The following RAB38 variants were observed in gnomAD, a reference collection of about 807,000 sequenced individuals.
The protein encoded by RAB38 is RAB38, member RAS oncogene family.
Under a neutral mutation model 18.4 loss-of-function variants are expected in RAB38, and 15 were observed. The ratio of observed to expected loss-of-function variants is 0.82; its 90% CI spans 0.55 to 1.26. The LOEUF (loss-of-function observed/expected upper bound fraction) is 1.26, where lower values mean the gene tolerates loss of function less well. RAB38 is among the 50% of genes most tolerant of loss of function. The pLI is 0.00. For missense variants in RAB38, 294 were observed against 267.4 expected (o/e 1.10, Z -0.69); for synonymous variants, 101 against 104.4 (o/e 0.97, Z 0.20).
the RAB38 span, among the ~76,000 whole-genome samples, chr11:87,958,577 G>T: frequency 1.3e-5 from 2 of 152,124 alleles, no homozygotes; most frequent in African/African-American, 4.8e-5. Flanking sequence ...CCAGCTTCTA[G>T]TGTCTTTTGT....
At chr11:88,146,172 A>T (rs1942983154) in intron 2 of RAB38, among the ~76,000 whole-genome samples, 2 of 152,190 alleles carry the variant, frequency 1.3e-5, no homozygotes, top group Non-Finnish European at 2.9e-5. Flanking sequence ...GTTACTCCAT[A>T]GGATTGAAGA....
chr11:87,886,893 G>C, the RAB38 span, among the ~76,000 whole-genome samples: 81,152 of 149,508 alleles, frequency 0.54, 23,799 homozygotes, highest in Non-Finnish European at 0.67. Context: ...TATGTTCAAT[G>C]GATATATATT....
the RAB38 span, among the ~76,000 whole-genome samples, chr11:87,814,709 C>T: frequency 6.6e-6 from 1 of 151,580 alleles, no homozygotes; most frequent in Non-Finnish European, 1.5e-5. Context: ...AGGGCAGTTT[C>T]ATTTAAGTAG....
the RAB38 span, among the ~76,000 whole-genome samples, chr11:88,049,002 C>T: frequency 1.2e-4 from 19 of 152,204 alleles, no homozygotes; most frequent in Admixed American, 6.5e-4. Context: ...TAATTCTATA[C>T]GACAAATATT....
the RAB38 span, among the ~76,000 whole-genome samples, chr11:87,908,275 G>A: frequency 6.6e-6 from 1 of 152,050 alleles, no homozygotes; most frequent in South Asian, 2.1e-4. Flanking sequence ...GCTTGCTCTT[G>A]TAAGAAAAAT....
chr11:88,137,135 A>T (rs1440702994), intron 2 of RAB38, among the ~76,000 whole-genome samples: 1 of 152,238 alleles, frequency 6.6e-6, no homozygotes, highest in East Asian at 1.9e-4. Flanking sequence ...ACTGACATGT[A>T]GTCCCCAGTG....
chr11:88,022,105 T>C, the RAB38 span, among the ~76,000 whole-genome samples: 2 of 151,858 alleles, frequency 1.3e-5, no homozygotes, highest in East Asian at 1.9e-4. Context: ...CCTTAACAAA[T>C]ACTAGCAAAC....
the RAB38 span, among the ~76,000 whole-genome samples, chr11:88,071,559 T>A: frequency 6.6e-6 from 1 of 152,186 alleles, no homozygotes; most frequent in Admixed American, 6.5e-5. Flanking sequence ...GGCAATGTTT[T>A]ACTGCCATAT....
At chr11:87,976,956 TACATTATACAAGTATATTATAAA>T in the RAB38 span, among the ~76,000 whole-genome samples, 18 of 65,556 alleles carry the variant, frequency 2.7e-4, no homozygotes, top group Non-Finnish European at 4.4e-4. Context: ...AAAATATAAT[TACATTATACAAGTATATTATAAA>T]ATATAATTAC....
the RAB38 span, among the ~76,000 whole-genome samples, chr11:88,096,640 C>A: frequency 6.6e-6 from 1 of 151,414 alleles, no homozygotes; most frequent in Non-Finnish European, 1.5e-5. Context: ...AGAAATAATT[C>A]TTTAACAACA....
chr11:87,942,460 C>T, the RAB38 span, among the ~76,000 whole-genome samples: 1 of 152,156 alleles, frequency 6.6e-6, no homozygotes, highest in Admixed American at 6.6e-5. Context: ...GAATTAGCAA[C>T]TCGCTGTATA....
chr11:87,919,800 G>A, the RAB38 span, among the ~76,000 whole-genome samples: 16 of 151,902 alleles, frequency 1.1e-4, no homozygotes, highest in Admixed American at 6.6e-4. Context: ...GGTCTGTTCA[G>A]ATTTTCTGTT....
chr11:88,034,583 T>C, the RAB38 span, among the ~76,000 whole-genome samples: 1 of 152,220 alleles, frequency 6.6e-6, no homozygotes, highest in African/African-American at 2.4e-5. Context: ...TAAATTTGCA[T>C]GTCACTAGTG....
At chr11:88,162,601 CATTT>C in intron 1 of RAB38, among the ~76,000 whole-genome samples, 1 of 142,876 alleles carries the variant, frequency 7.0e-6, no homozygotes, top group East Asian at 2.0e-4. Context: ...CTCATTCATT[CATTT>C]AACAAAAAAA....
the RAB38 span, among the ~76,000 whole-genome samples, chr11:87,955,424 C>A: frequency 6.6e-6 from 1 of 152,106 alleles, no homozygotes; most frequent in Non-Finnish European, 1.5e-5. Flanking sequence ...ACTAGGGTGA[C>A]ATGATCATCC....
the RAB38 span, among the ~76,000 whole-genome samples, chr11:88,032,366 CA>C: frequency 6.6e-6 from 1 of 152,086 alleles, no homozygotes; most frequent in African/African-American, 2.4e-5. Context: ...CAACCAAAGC[CA>C]AAATTGACAA....
At chr11:88,091,491 C>G in the RAB38 span, among the ~76,000 whole-genome samples, 1 of 152,006 alleles carries the variant, frequency 6.6e-6, no homozygotes, top group African/African-American at 2.4e-5. Context: ...CAATTGCCAC[C>G]TCTTGCCATC....
the RAB38 span, among the ~76,000 whole-genome samples, chr11:87,976,844 G>A: frequency 0.89 from 17,702 of 19,876 alleles, 7,791 homozygotes; most frequent in East Asian, 0.96. Flanking sequence ...AATATATATT[G>A]TGTTATATAA....
chr11:87,819,523 G>A, the RAB38 span, among the ~76,000 whole-genome samples: 2 of 151,790 alleles, frequency 1.3e-5, no homozygotes, highest in South Asian at 4.1e-4. Flanking sequence ...TTTCAATAAG[G>A]TAATATACTG....
Sources: gnomAD v4.1 joint callset for allele counts (sites outside exome capture counted in the v4.1 genomes callset) on GRCh38, gnomAD v4.1.1 for gene constraint, MANE v1.5 for transcripts, NCBI Gene and HGNC (gene_info 2026-07-23, HGNC 2026-07-21) for gene names.